The following LAMC1 variants were observed in gnomAD, a reference collection of about 807,000 sequenced individuals.
LAMC1 encodes the protein laminin subunit gamma 1.
LAMC1 carries 38 observed loss-of-function variants against 173.6 expected under a neutral mutation model. The observed-to-expected ratio is 0.22, with a 90% CI of 0.17 to 0.29. The LOEUF is 0.29. Ranked by LOEUF, LAMC1 falls within the 10% of genes least tolerant of loss-of-function variation. The pLI is 1.00. For missense variants in LAMC1, 1,824 were observed against 2,051.8 expected, an observed-to-expected ratio of 0.89 and a Z score of 2.14; for synonymous variants, 746 against 749.1, an observed-to-expected ratio of 1.00 and a Z score of 0.07.
chr1:183,036,096 CT>C (rs35129932), intron 1 of LAMC1, among the ~76,000 whole-genome samples: 19,146 of 137,302 alleles, frequency 0.14, 3,579 homozygotes, highest in African/African-American at 0.43. Flanking sequence ...TGAATGAATT[CT>C]TTTTTTTTTT....
At chr1:183,129,095 T>G (rs1656709284) in intron 18 of LAMC1, among the ~76,000 whole-genome samples, 1 of 147,230 alleles carries the variant, frequency 6.8e-6, no homozygotes, top group African/African-American at 2.5e-5. Context: ...TTTTTTTTTT[T>G]TTTTTTTTTT....
intron 1 of LAMC1, among the ~76,000 whole-genome samples, chr1:183,060,991 TCAGAAGTGACATGG>T (rs1344776060): frequency 6.6e-6 from 1 of 152,168 alleles, no homozygotes; most frequent in Admixed American, 6.5e-5. Context: ...AGTTTTTTTG[TCAGAAGTGACATGG>T]TTAGATAGCA....
chr1:183,049,865 A>C (rs1253866972), intron 1 of LAMC1, among the ~76,000 whole-genome samples: 1 of 152,124 alleles, frequency 6.6e-6, no homozygotes, highest in Non-Finnish European at 1.5e-5. Context: ...CCTTTGTGTC[A>C]ATTGTGTTCT....
chr1:183,125,803 G>A (rs1656603137), intron 15 of LAMC1, among the ~76,000 whole-genome samples: 3 of 152,162 alleles, frequency 2.0e-5, no homozygotes, highest in Admixed American at 2.0e-4. Flanking sequence ...GGTCCTTTCT[G>A]AGGCACTTAG....
chr1:183,070,822 G>A (rs1382494827), intron 1 of LAMC1, among the ~76,000 whole-genome samples: 2 of 152,050 alleles, frequency 1.3e-5, no homozygotes, highest in African/African-American at 2.4e-5. Flanking sequence ...TTGGACAGGT[G>A]GTAAGGGTAA....
intron 1 of LAMC1, among the ~76,000 whole-genome samples, chr1:183,080,592 A>G (rs1312377081): frequency 6.6e-6 from 1 of 151,876 alleles, no homozygotes; most frequent in Non-Finnish European, 1.5e-5. Context: ...AGCTCCACTT[A>G]TTGGTCACTG....
At chr1:183,101,560 C>A (rs1295225735) in intron 1 of LAMC1, among the ~76,000 whole-genome samples, 2 of 151,530 alleles carry the variant, frequency 1.3e-5, no homozygotes, top group Admixed American at 6.6e-5. Flanking sequence ...CTTTATAAAC[C>A]CTATTGTGGT....
intron 1 of LAMC1, among the ~76,000 whole-genome samples, chr1:183,036,771 T>C (rs1653996075): frequency 6.6e-6 from 1 of 151,462 alleles, no homozygotes; most frequent in African/African-American, 2.4e-5. Flanking sequence ...TTTCTTTTTT[T>C]GTTTTGTTTT....
rs1042597184 is a variant in LAMC1, at chr1:183,064,935, C to T, written c.419-38393C>T. On this transcript the variant is annotated intron_variant, in intron 1 of 27. Coordinates refer to ENST00000258341, the MANE Select transcript of LAMC1 (RefSeq NM_002293.4). ...GGGTGCACTCACACACACCCACGCT[C>T]ACTCAGACTGGAACCATCTAGACAT... 2.2e-4 allele frequency among the ~76,000 whole-genome samples: 34 copies of T among 152,156 alleles called. 1 individual carries two copies. The highest frequency in any genetic ancestry group is 2.2e-3 in the Admixed American group (33 of 15,274).
At chr1:183,081,672 C>T (rs1004628694) in intron 1 of LAMC1, among the ~76,000 whole-genome samples, 2 of 152,148 alleles carry the variant, frequency 1.3e-5, no homozygotes, top group Non-Finnish European at 2.9e-5. Context: ...ATATTTCCTT[C>T]CTGGATCACC....
intron 1 of LAMC1, among the ~76,000 whole-genome samples, chr1:183,033,546 G>A (rs1571399109): frequency 1.3e-5 from 2 of 152,168 alleles, no homozygotes; most frequent in South Asian, 4.1e-4. Context: ...AATTTCCATG[G>A]TGAAATGTAA....
intron 1 of LAMC1, among the ~76,000 whole-genome samples, chr1:183,086,580 T>C (rs1571431208): frequency 6.6e-6 from 1 of 152,364 alleles, no homozygotes; most frequent in African/African-American, 2.4e-5. Flanking sequence ...TCAAGAGTTA[T>C]CTTTTTTCTT....
intron 1 of LAMC1, among the ~76,000 whole-genome samples, chr1:183,090,269 A>G (rs889851526): frequency 3.3e-5 from 5 of 152,178 alleles, no homozygotes; most frequent in African/African-American, 1.2e-4. Flanking sequence ...CTAGGATTGC[A>G]AGATTATTTA....
chr1:183,081,534 C>T (rs561309999), intron 1 of LAMC1, among the ~76,000 whole-genome samples: 14 of 149,674 alleles, frequency 9.4e-5, no homozygotes, highest in East Asian at 4.0e-4. Flanking sequence ...GGCAACAGAG[C>T]GAGACTCCGC....
chr1:183,134,894 A>G (rs1656894893), intron 23 of LAMC1, 85 bp downstream of exon 23: 1 of 1,431,718 alleles, frequency 7.0e-7, no homozygotes, highest in African/African-American at 1.4e-5. Flanking sequence ...GTACTTTCAG[A>G]GACAGCAGAC....
chr1:183,086,447 T>C (rs574481424), intron 1 of LAMC1, among the ~76,000 whole-genome samples: 1 of 152,224 alleles, frequency 6.6e-6, no homozygotes, highest in Non-Finnish European at 1.5e-5. Context: ...TTCTTGCTAC[T>C]AAAGAATTTA....
intron 1 of LAMC1, among the ~76,000 whole-genome samples, chr1:183,095,496 T>C (rs1236827416): frequency 6.6e-6 from 1 of 152,252 alleles, no homozygotes; most frequent in Non-Finnish European, 1.5e-5. Context: ...TATGGGCTTA[T>C]GTAGCTTATA....
At chr1:183,115,068 G>A (rs896256771) in intron 5 of LAMC1, among the ~76,000 whole-genome samples, 1 of 152,190 alleles carries the variant, frequency 6.6e-6, no homozygotes, top group African/African-American at 2.4e-5. Context: ...TCTCCTTAGA[G>A]TGCTGAAATA....
At position 183,121,798 on chromosome 1, in the gene LAMC1, C is replaced by T. The variant is rs1208109031; in HGVS notation, c.2066C>T (p.Ser689Phe). The change falls in exon 12 of 28, where the codon TCC (serine) becomes TTC (phenylalanine). Residue 689 changes from serine (S) to phenylalanine (F), a missense_variant. Physicochemically the swap from Ser to Phe is radical, Grantham distance 155. Coordinates refer to ENST00000258341, the MANE Select transcript of LAMC1 (RefSeq NM_002293.4). ...GPGVPATWVESCTCPVGYGGQ... is the reference protein window; with the variant it reads ...GPGVPATWVEFCTCPVGYGGQ... ...GGAGTCCCTGCAACTTGGGTGGAGT[C>T]CTGCACCTGTCCTGTGGGATATGGA... The T allele has an allele frequency of 1.2e-6, 2 of 1,614,120 alleles. No homozygotes were observed. Among genetic ancestry groups the T allele is most frequent in the East Asian group, 4.5e-5 (2 of 44,886 alleles).
Sources: allele counts gnomAD v4.1 joint callset (sites outside exome capture counted in the v4.1 genomes callset), GRCh38; gene constraint gnomAD v4.1.1; transcripts MANE v1.5; gene names NCBI Gene and HGNC (gene_info 2026-07-23, HGNC 2026-07-21).